The following NUMA1 variants were observed in gnomAD, a reference collection of about 807,000 sequenced individuals.
The protein encoded by NUMA1 is nuclear mitotic apparatus protein 1, also known as SP-H antigen.
In NUMA1, 62 loss-of-function variants were observed where a neutral mutation model predicts 237.1. The observed-to-expected ratio is 0.26, with a 90% CI of 0.21 to 0.32. NUMA1 has a LOEUF of 0.32. Among genes scored for constraint, NUMA1 ranks in the 10% least tolerant of loss-of-function variants. NUMA1 has a pLI of 1.00. For synonymous variants in NUMA1, 1,028 were observed against 1,066.1 expected, an observed-to-expected ratio of 0.96 and a Z score of 0.70; for missense variants, 2,533 against 2,666.5, an observed-to-expected ratio of 0.95 and a Z score of 1.10.
At chr11:72,057,688 G>C (rs1179384681) in intron 2 of NUMA1, among the ~76,000 whole-genome samples, 5 of 151,138 alleles carry the variant, frequency 3.3e-5, no homozygotes, top group Non-Finnish European at 5.9e-5. Flanking sequence ...AGGTTGCAGT[G>C]AGCCAAGATT....
chr11:72,015,122 G>T lies in NUMA1; in HGVS notation c.2381C>A (p.Ala794Asp). 1 of 1,613,478 alleles carries T rather than the reference G, an allele frequency of 6.2e-7. No individual in the cohort carries two copies. The highest frequency in any genetic ancestry group is 8.5e-7 in the Non-Finnish European group (1 of 1,180,036). The change falls in exon 15 of 27, where the codon GCT becomes GAT. Residue 794 changes from alanine to aspartate, a missense_variant. Transcript: ENST00000393695. The surrounding 1 kb of genome is among the most constrained non-coding windows in gnomAD (Gnocchi z 4.0). ...CTCACTCTCAGCTGTGTGCTGGGCA[G>T]CCATGGCCTCTGCCAGCTCCCGCCG... ...VLRRELAEAM[A>D]AQHTAESECE...
intron 13 of NUMA1, 192 bp from the exon 14 acceptor site, chr11:72,016,722 A>G (rs1937829363): frequency 1.6e-6 from 1 of 633,294 alleles, no homozygotes; most frequent in African/African-American, 1.8e-5. Flanking sequence ...ACCTAGTTCT[A>G]AGGCACAATA....
At position 72,017,690 on chromosome 11, in the gene NUMA1, G is replaced by A. The variant is rs1296587689; in HGVS notation, c.1116C>T (p.Asp372=). The change falls in exon 13 of 27, where the codon GAC becomes GAT. Residue 372 remains aspartate, a synonymous_variant. Transcript: ENST00000393695. ...LEKELSAALQ[D]KKCLEEKNEI... Reference sequence around the variant, plus strand: ...TGTGACCCCAGCAGAGGGTTACCTTGTCCTGCAGGGCTGCGCTGAGCTCCT... The same window carrying A: ...TGTGACCCCAGCAGAGGGTTACCTTATCCTGCAGGGCTGCGCTGAGCTCCT... 2 of 1,612,984 alleles carry A rather than the reference G, an allele frequency of 1.2e-6. No individual in the cohort carries two copies. Among genetic ancestry groups the A allele is most frequent in the Non-Finnish European group, 8.5e-7 (1 of 1,180,008 alleles).
Position 72,075,925 on chromosome 11 carries a change from T to C in NUMA1, c.-103+4533A>G, listed in dbSNP as rs180811567. ...CCCTCATAGGTTCAGAAGACAGATC[T>C]TGAGTCCACAAAAGGCACTGAGATC... On this transcript the variant is annotated intron_variant, in intron 1 of 26. Transcript: ENST00000393695. Among the ~76,000 whole-genome samples the C allele has an allele frequency of 2.0e-3, 307 of 152,332 alleles. 1 individual carries two copies. Among genetic ancestry groups the C allele is most frequent in the Non-Finnish European group, 3.4e-3 (230 of 68,018 alleles).
At chr11:72,018,597 G>A in intron 10 of NUMA1, 84 bp from the exon 11 acceptor site, 2 of 1,271,610 alleles carry the variant, frequency 1.6e-6, no homozygotes, top group Non-Finnish European at 2.3e-6. Flanking sequence ...TGTGCACAAG[G>A]GGAAGGGAGG....
intron 2 of NUMA1, chr11:72,040,779 C>T (rs1941582478): frequency 6.6e-6 from 1 of 152,214 alleles, no homozygotes; most frequent in Non-Finnish European, 1.5e-5. Flanking sequence ...GCAAGCTCTG[C>T]TCCACAGCGC....
rs200063686 is a variant in NUMA1, at chr11:72,019,624, G to T, written c.461-7C>A. ...CAGGTAGAAGGCACAGGAGCTGGGG[G>T]TAAGAAATAGACAAAATAAATCAAC... On this transcript the variant is annotated splice_polypyrimidine_tract_variant and splice_region_variant and intron_variant, in intron 8 of 26. Coordinates refer to ENST00000393695, the MANE Select transcript of NUMA1 (RefSeq NM_006185.4). 1 of 1,611,418 alleles carries T rather than the reference G, an allele frequency of 6.2e-7. No individual in the cohort carries two copies. Among genetic ancestry groups the T allele is most frequent in the Non-Finnish European group, 8.5e-7 (1 of 1,178,586 alleles).
chr11:72,005,154 G>A, intron 23 of NUMA1, 79 bp downstream of exon 23: 4 of 1,430,626 alleles, frequency 2.8e-6, no homozygotes, highest in Non-Finnish European at 3.7e-6. Flanking sequence ...CAGGGCCCTA[G>A]TGCTCAGGCT....
chr11:72,046,776 G>A (rs1220191408), intron 2 of NUMA1, among the ~76,000 whole-genome samples: 3 of 151,412 alleles, frequency 2.0e-5, no homozygotes, highest in Admixed American at 1.3e-4. Context: ...CCTATCCAAC[G>A]TGACAAAATC....
At chr11:72,019,368 TC>T in intron 9 of NUMA1, 125 bp downstream of exon 9, 1 of 1,277,502 alleles carries the variant, frequency 7.8e-7, no homozygotes, top group Non-Finnish European at 1.1e-6. Flanking sequence ...GGTGAGGAGA[TC>T]CCAGATCTAC....
intron 26 of NUMA1, 161 bp downstream of exon 26, chr11:72,003,726 C>T (rs1272509809): frequency 2.0e-6 from 2 of 990,244 alleles, no homozygotes; most frequent in African/African-American, 1.6e-5. Flanking sequence ...GGCCATCTGT[C>T]TTCTCTCCTT....
chr11:72,014,779 C>A lies in NUMA1; in HGVS notation c.2724G>T (p.Lys908Asn). The change falls in exon 15 of 27, where the codon AAG becomes AAT. Residue 908 changes from lysine (K) to asparagine (N), a missense_variant. Transcript: ENST00000393695. The surrounding 1 kb of genome is among the most constrained non-coding windows in gnomAD (Gnocchi z 4.6). ...LADDLSTLQE[K>N]MAATSKEVAR... ...CCACCTCTTTGCTGGTGGCAGCCAT[C>A]TTTTCCTGCAGAGTGGAGAGGTCAT... 1 of 1,614,224 alleles carries A rather than the reference C, an allele frequency of 6.2e-7. No individual in the cohort carries two copies. Among genetic ancestry groups the A allele is most frequent in the East Asian group, 2.2e-5 (1 of 44,886 alleles).
intron 2 of NUMA1, chr11:72,047,869 TA>T (rs560127467): frequency 6.6e-6 from 1 of 152,170 alleles, no homozygotes; most frequent in Non-Finnish European, 1.5e-5. Context: ...TTAATAAAAT[TA>T]AAAAATATAT....
intron 2 of NUMA1, among the ~76,000 whole-genome samples, chr11:72,069,113 A>G (rs1943332913): frequency 6.6e-6 from 1 of 152,226 alleles, no homozygotes; most frequent in South Asian, 2.1e-4. Flanking sequence ...AAACTTAAAA[A>G]CATTCTAATT....
chr11:72,006,827 T>C (rs2735787), intron 21 of NUMA1, among the ~76,000 whole-genome samples: 141,182 of 152,306 alleles, frequency 0.93, 65,681 homozygotes, highest in Non-Finnish European at 0.98. Flanking sequence ...CAAGGGCCTG[T>C]AGCCTGTCAG....
In NUMA1 at chr11:72,003,971, G is replaced by A; in HGVS notation, c.6252C>T (p.Thr2084=). The stretch of plus-strand genomic sequence containing the variant: ...TGGTGGCAATGCGCGGAGAACGGCG[G>A]GTTCCACTGCGAGTGTTGGGGGAAG... The part of the protein sequence containing the change: ...SKASPNTRSG[T]RRSPRIATTT... The change falls in exon 26 of 27, where the codon ACC becomes ACT. Residue 2084 remains threonine (T), a synonymous_variant. Coordinates refer to ENST00000393695, the MANE Select transcript of NUMA1 (RefSeq NM_006185.4). 3.1e-6 allele frequency: 5 copies of A among 1,613,354 alleles called. No homozygotes were observed. Among genetic ancestry groups the A allele is most frequent in the Non-Finnish European group, 4.2e-6 (5 of 1,179,654 alleles).
Position 72,015,223 on chromosome 11 carries a change from CTCT to C in NUMA1, c.2277_2279del (p.Glu760del). ...CCTCCAGCCCCTTGCGCCCAGCCCT[CTCT>C]TCTTCCAGCTCCTTTCGTTCCCGCT... On this transcript the variant is annotated inframe_deletion, in exon 15 of 27. Coordinates refer to ENST00000393695, the MANE Select transcript of NUMA1 (RefSeq NM_006185.4). The surrounding 1 kb of genome is among the most constrained non-coding windows in gnomAD (Gnocchi z 4.0). The C allele has an allele frequency of 6.2e-7, 1 of 1,613,594 alleles. No individual in the cohort carries two copies. Among genetic ancestry groups the C allele is most frequent in the Non-Finnish European group, 8.5e-7 (1 of 1,180,044 alleles).
At chr11:72,005,568 TGGAGAG>T in intron 22 of NUMA1, 199 bp from the exon 23 acceptor site, 1 of 567,212 alleles carries the variant, frequency 1.8e-6, no homozygotes, top group Non-Finnish European at 3.1e-6. Flanking sequence ...ACCTTCTCCC[TGGAGAG>T]GGCAGAAGAG....
chr11:72,065,200 G>A (rs2136213767), intron 2 of NUMA1: 1 of 152,096 alleles, frequency 6.6e-6, no homozygotes, highest in East Asian at 1.9e-4. Context: ...AAAAACTTAT[G>A]CATAATAATG....
Sources: gnomAD v4.1 joint callset for allele counts (sites outside exome capture counted in the v4.1 genomes callset) on GRCh38, gnomAD v4.1.1 for gene constraint, Gnocchi (gnomAD v3.1) non-coding constraint, MANE v1.5 for transcripts, NCBI Gene and HGNC (gene_info 2026-07-23, HGNC 2026-07-21) for gene names.